Variants in HMCN2 observed in about 807,000 individuals in gnomAD.
HMCN2 encodes the protein hemicentin-2.
Under a neutral mutation model 377.5 loss-of-function variants are expected in HMCN2, and 325 were observed. The observed-to-expected ratio is 0.86, with a 90% CI of 0.79 to 0.94. The LOEUF is 0.94. HMCN2 is among the 40% of genes least tolerant of loss of function. The pLI, the probability that HMCN2 is intolerant of heterozygous loss-of-function variation, is 0.00. For synonymous variants in HMCN2, 2,007 were observed against 2,046.8 expected, an observed-to-expected ratio of 0.98 and a Z score of 0.53; for missense variants, 4,543 against 4,725.3, an observed-to-expected ratio of 0.96 and a Z score of 1.13.
chr9:130,374,545 T>C lies in HMCN2; in HGVS notation c.7482T>C (p.Pro2494=). The C allele has an allele frequency of 1.0e-6, 1 of 985,838 alleles. No individual in the cohort carries two copies. Among genetic ancestry groups the C allele is most frequent in the Non-Finnish European group, 1.2e-6 (1 of 829,980 alleles). 61.1% of individuals were successfully genotyped at this position (985,838 alleles called of 1,614,324 possible). Residue 2494 remains proline, a synonymous_variant, in exon 49 of 98, where the codon CCT becomes CCC. Coordinates refer to ENST00000683500, the MANE Select transcript of HMCN2 (RefSeq NM_001291815.2). ...PKLTWFKDGR[P]LARGDAHHIS... is the part of the protein sequence containing the mutation. ...TCACATGGTTCAAAGATGGCCGGCC[T>C]CTGGCTAGGGGAGATGCTCACCACA...
In HMCN2 at chr9:130,369,589, T is replaced by TC. The variant is rs1434692759; in HGVS notation, c.6811dup (p.Arg2271ProfsTer41). 8.1e-6 allele frequency: 8 copies of TC among 985,594 alleles called. No individual in the cohort carries two copies. Among genetic ancestry groups the TC allele is most frequent in the African/African-American group, 1.7e-5 (1 of 57,186 alleles). The allele number at this position is 985,594 out of a possible 1,614,324, so 61.1% of individuals were successfully genotyped here. A position where few individuals can be genotyped will look rare whatever the true frequency, so the allele number is the denominator to read the frequency against. ...CAACAGTTCCCCCTCAGATTGCCGG[T>TC]CCCCGGGAGCCTCCCACACAAGTCT... On this transcript the variant is annotated frameshift_variant, in exon 45 of 98. Transcript: ENST00000683500. LOFTEE classifies it high-confidence loss of function. The surrounding 1 kb of genome is among the most constrained non-coding windows in gnomAD (Gnocchi z 4.5).
Position 130,418,772 on chromosome 9 carries a change from GT to G in HMCN2, c.12963del (p.Ser4321ArgfsTer12), listed in dbSNP as rs1448840139. The G allele has an allele frequency of 7.0e-7, 1 of 1,425,968 alleles. No homozygotes were observed. The highest frequency in any genetic ancestry group is 2.8e-5 in the Admixed American group (1 of 35,436). 88.3% of individuals were successfully genotyped at this position (1,425,968 alleles called of 1,614,324 possible). A position where few individuals can be genotyped will look rare whatever the true frequency, so the allele number is the denominator to read the frequency against. ...AKKVVILVLQ[S>X]APVFQVEPQD... is the part of the protein sequence containing the mutation. ...TAAAAGCCACCTGGGCCTCCCACAG[GT>G]GCTCCGGTGTTCCAGGTGGAGCCCC... On this transcript the variant is annotated frameshift_variant and splice_region_variant, in exon 86 of 98. Coordinates refer to ENST00000683500, the MANE Select transcript of HMCN2 (RefSeq NM_001291815.2). LOFTEE classifies it high-confidence loss of function.
At chr9:130,348,742 G>T in intron 27 of HMCN2, 67 bp downstream of exon 27, 1 of 1,287,666 alleles carries the variant, frequency 7.8e-7, no homozygotes. Flanking sequence ...CTTCTGGATG[G>T]GCATTTCTGC....
Position 130,368,803 on chromosome 9 carries a change from A to G in HMCN2, c.6787+366A>G, listed in dbSNP as rs115900622. ...AAACAACCAGATCTCCTGAGAACTG[A>G]CTCACTCACTCGCTATCAATCACAA... is the stretch of plus-strand genomic sequence containing the variant. On this transcript the variant is annotated intron_variant, in intron 44 of 97. Coordinates refer to ENST00000683500, the MANE Select transcript of HMCN2 (RefSeq NM_001291815.2). Among the ~76,000 whole-genome samples the G allele has an allele frequency of 6.6e-3, 1,002 of 152,106 alleles. 13 individuals are homozygous for G. Among genetic ancestry groups the G allele is most frequent in the African/African-American group, 0.023 (958 of 41,484 alleles).
intron 15 of HMCN2, among the ~76,000 whole-genome samples, chr9:130,314,310 T>C (rs1837426575): frequency 6.6e-6 from 1 of 152,230 alleles, no homozygotes; most frequent in Non-Finnish European, 1.5e-5. Flanking sequence ...TAGCAGGCAC[T>C]GGCAGAAGGC....
chr9:130,395,143 G>GGCGGGT (rs2131690492), intron 70 of HMCN2, 35 bp downstream of exon 70: 4 of 1,046,340 alleles, frequency 3.8e-6, no homozygotes, highest in South Asian at 1.4e-5. Flanking sequence ...GCAGGGCCGG[G>GGCGGGT]AGGCAGGACG....
chr9:130,289,208 A>G (rs1376541549), intron 4 of HMCN2, among the ~76,000 whole-genome samples: 1 of 152,192 alleles, frequency 6.6e-6, no homozygotes, highest in East Asian at 1.9e-4. Context: ...CACACGTTCC[A>G]GCACGGCTGG....
intron 25 of HMCN2, among the ~76,000 whole-genome samples, chr9:130,342,660 C>A (rs1346520914): frequency 6.6e-6 from 1 of 152,128 alleles, no homozygotes. Flanking sequence ...AAGTGACTTG[C>A]CTGAAGTCAC....
intron 23 of HMCN2, among the ~76,000 whole-genome samples, chr9:130,340,376 G>A (rs974366240): frequency 2.0e-5 from 3 of 152,238 alleles, no homozygotes; most frequent in Non-Finnish European, 4.4e-5. Flanking sequence ...CTGGAGCAGG[G>A]TCCCTTGGCT....
intron 22 of HMCN2, among the ~76,000 whole-genome samples, chr9:130,334,192 C>A (rs974283723): frequency 3.3e-5 from 5 of 152,272 alleles, no homozygotes; most frequent in East Asian, 3.9e-4. Flanking sequence ...TGGCCCCCTG[C>A]GGAGGAACGG....
Position 130,338,841 on chromosome 9 carries a change from AC to A in HMCN2, c.3487+821del, listed in dbSNP as rs1433377289. Among the ~76,000 whole-genome samples the A allele has an allele frequency of 2.0e-3, 301 of 152,356 alleles. 1 individual carries two copies. Among genetic ancestry groups the A allele is most frequent in the Non-Finnish European group, 3.5e-3 (239 of 68,042 alleles). ...CACTTTTTAAAATAATTGGACAAGC[AC>A]AAAAAACCAACTAAATAATATTTTG... On this transcript the variant is annotated intron_variant, in intron 23 of 97. Coordinates refer to ENST00000683500, the MANE Select transcript of HMCN2 (RefSeq NM_001291815.2).
chr9:130,336,965 C>T (rs1002385903), intron 22 of HMCN2, among the ~76,000 whole-genome samples: 12 of 152,102 alleles, frequency 7.9e-5, no homozygotes, highest in Admixed American at 1.3e-4. Context: ...CCAGGCATCC[C>T]GGGCCTGCTG....
chr9:130,433,287 A>C (rs1844870870), intron 97 of HMCN2, 61 bp from the exon 98 acceptor site: 2 of 1,305,364 alleles, frequency 1.5e-6, no homozygotes, highest in Non-Finnish European at 2.0e-6. Flanking sequence ...AGTTACGCGG[A>C]TGGGCCACGC....
Position 130,422,854 on chromosome 9 carries a change from A to G in HMCN2, c.13381+128A>G. ...GAGACTTGCTCAAGGCCTGATGACCAGAGCACGTCTGACCATCTCTCAAAG... is the reference window on the plus strand; with the variant it reads ...GAGACTTGCTCAAGGCCTGATGACCGGAGCACGTCTGACCATCTCTCAAAG... On this transcript the variant is annotated intron_variant, in intron 87 of 97. Coordinates refer to ENST00000683500, the MANE Select transcript of HMCN2 (RefSeq NM_001291815.2). The surrounding 1 kb of genome is among the most constrained non-coding windows in gnomAD (Gnocchi z 4.2). 1.4e-6 allele frequency: 1 copy of G among 729,890 alleles called. No individual in the cohort carries two copies. The allele number at this position is 729,890 out of a possible 1,614,324, so 45.2% of individuals were successfully genotyped here.
intron 85 of HMCN2, among the ~76,000 whole-genome samples, chr9:130,417,426 G>A (rs1315665459): frequency 1.3e-5 from 2 of 151,126 alleles, no homozygotes; most frequent in African/African-American, 2.4e-5. Context: ...GGAGGCTGAG[G>A]CAGGAGAATC....
Position 130,427,353 on chromosome 9 carries a change from C to T in HMCN2, c.13920C>T (p.Asp4640=), listed in dbSNP as rs981309125. The T allele has an allele frequency of 9.7e-6, 15 of 1,550,462 alleles. No homozygotes were observed. The highest frequency in any genetic ancestry group is 1.0e-5 in the Non-Finnish European group (12 of 1,147,002). Residue 4640 remains aspartate (D), a synonymous_variant, in exon 91 of 98, where the codon GAC becomes GAT. Coordinates refer to ENST00000683500, the MANE Select transcript of HMCN2 (RefSeq NM_001291815.2). ...EVGCPEGFEL[D]SQGAFCVDRD... ...GCTGCCCCGAGGGCTTTGAGCTGGA[C>T]TCCCAGGGAGCGTTTTGTGTGGGTG...
intron 15 of HMCN2, among the ~76,000 whole-genome samples, chr9:130,319,245 C>T (rs916331437): frequency 9.9e-5 from 15 of 152,054 alleles, no homozygotes; most frequent in African/African-American, 3.6e-4. Context: ...CTCCCCTGCA[C>T]CTCTGGGGTA....
chr9:130,358,009 G>T (rs773350463), intron 35 of HMCN2, 21 bp downstream of exon 35: 37 of 1,296,152 alleles, frequency 2.9e-5, no homozygotes, highest in East Asian at 5.6e-5. Context: ...GGGCCCCAGG[G>T]CTGGCAAGCC....
In HMCN2 at chr9:130,361,273, G is replaced by A. The variant is rs1427583753; in HGVS notation, c.5950+669G>A. Reference sequence around the variant, plus strand: ...GCAGCTGGTGAACATGAGGTGCAACGGAGCACCTATAACAGGGCACTGACT... The same window carrying A: ...GCAGCTGGTGAACATGAGGTGCAACAGAGCACCTATAACAGGGCACTGACT... On this transcript the variant is annotated intron_variant, in intron 38 of 97. Coordinates refer to ENST00000683500, the MANE Select transcript of HMCN2 (RefSeq NM_001291815.2). This position sits in a 1 kb window ranked among gnomAD's most constrained non-coding sequence, Gnocchi z 4.8. 2.0e-5 allele frequency among the ~76,000 whole-genome samples: 3 copies of A among 152,218 alleles called. No individual in the cohort carries two copies. Among genetic ancestry groups the A allele is most frequent in the Admixed American group, 6.5e-5 (1 of 15,288 alleles).
Sources: gnomAD v4.1 joint callset for allele counts (sites outside exome capture counted in the v4.1 genomes callset) on GRCh38, gnomAD v4.1.1 for gene constraint, Gnocchi (gnomAD v3.1) non-coding constraint, MANE v1.5 for transcripts, NCBI Gene and HGNC (gene_info 2026-07-23, HGNC 2026-07-21) for gene names.